The following LRP2 variants were observed in gnomAD, a reference collection of about 807,000 sequenced individuals.
LRP2 encodes the protein low-density lipoprotein receptor-related protein 2.
Under a neutral mutation model 531.0 loss-of-function variants are expected in LRP2, and 172 were observed. The observed-to-expected ratio is 0.32, with a 90% confidence interval of 0.29 to 0.37. The LOEUF is 0.37. Among genes scored for constraint, LRP2 ranks in the 10% least tolerant of loss-of-function variants. The probability of loss-of-function intolerance (pLI) is 1.00; values close to 1 mark genes in which losing one functional copy is unlikely to be tolerated. For missense variants in LRP2, 5,167 were observed against 5,868.3 expected (o/e 0.88, Z 3.90); for synonymous variants, 1,992 against 2,027.6 (o/e 0.98, Z 0.47).
rs1252701428 is a variant in LRP2, at chr2:169,271,595, T to C, written c.2117-488A>G. The C allele has an allele frequency of 1.8e-5, 6 of 334,638 alleles. No individual in the cohort carries two copies. In the Admixed American group the frequency reaches 4.0e-4, roughly 22 times the overall value. 20.7% of individuals were successfully genotyped at this position (334,638 alleles called of 1,614,324 possible). On this transcript the variant is annotated intron_variant, in intron 15 of 78. Transcript: ENST00000649046. The stretch of plus-strand genomic sequence containing the variant: ...TATCAAGTTATAAGTATCATTACAA[T>C]AAACAGGCAAAACATGCACACACAC...
chr2:169,165,912 C>A lies in LRP2; in HGVS notation c.11758+20G>T. 6.2e-7 allele frequency: 1 copy of A among 1,613,718 alleles called. No individual in the cohort carries two copies. The highest frequency in any genetic ancestry group is 1.1e-5 in the South Asian group (1 of 91,044). Reference sequence around the variant, plus strand: ...CTTGGGGTCCTTCCTTTTTCCTTCTCCCTTTTGACTTTTGCTTACAGTGCT... The same window carrying A: ...CTTGGGGTCCTTCCTTTTTCCTTCTACCTTTTGACTTTTGCTTACAGTGCT... On this transcript the variant is annotated intron_variant, in intron 62 of 78. Coordinates refer to ENST00000649046, the MANE Select transcript of LRP2 (RefSeq NM_004525.3).
At chr2:169,211,450 C>G (rs1370372993) in intron 37 of LRP2, among the ~76,000 whole-genome samples, 1 of 152,176 alleles carries the variant, frequency 6.6e-6, no homozygotes, top group Non-Finnish European at 1.5e-5. Context: ...ACACTGTGAA[C>G]TCTTTTGCTT....
rs830995 is a variant in LRP2 at position 169,273,126 on chromosome 2, A to G, written c.1976-59T>C. 1,124,813 of 1,600,436 alleles carry G rather than the reference A, an allele frequency of 0.7. 398,817 individuals are homozygous for G. The highest frequency in any genetic ancestry group is 0.88 in the East Asian group (39,268 of 44,756). ...TTAGAAATGTGTAATTATCCAAGAC[A>G]TGAAGCCACTTCTAGCCCTTTTCAC... On this transcript the variant is annotated intron_variant, in intron 14 of 78. Coordinates refer to ENST00000649046, the MANE Select transcript of LRP2 (RefSeq NM_004525.3).
chr2:169,132,498 C>T (rs1401566316), intron 77 of LRP2, 76 bp downstream of exon 77: 6 of 824,822 alleles, frequency 7.3e-6, no homozygotes, highest in East Asian at 4.8e-5. Context: ...CCCTTGTTTG[C>T]TTAAGGTTAA....
intron 61 of LRP2, among the ~76,000 whole-genome samples, chr2:169,168,018 A>AAAATATATATAT (rs1553488719): frequency 4.4e-5 from 3 of 68,186 alleles, no homozygotes; most frequent in Non-Finnish European, 5.9e-5. Flanking sequence ...CAGGGTTTAA[A>AAAATATATATAT]ATATATATAT....
intron 15 of LRP2, 48 bp from the exon 16 acceptor site, chr2:169,271,155 C>A: frequency 1.5e-6 from 2 of 1,319,450 alleles, no homozygotes; most frequent in East Asian, 2.3e-5. Flanking sequence ...TGGTTCTTTT[C>A]TCTCCTCCCA....
rs1686979349 is a variant in LRP2, at chr2:169,170,932, T to TTTTG, written c.11264-266_11264-265insCAAA. On this transcript the variant is annotated intron_variant, in intron 58 of 78. Transcript: ENST00000649046. ...TGCTCTCTCTCTCTGTTTTTTTTTT[T>TTTTG]TTTTTTTTTTTTGAAACAGGATCTT... 6.1e-5 allele frequency among the ~76,000 whole-genome samples: 9 copies of TTTTG among 147,234 alleles called. 1 individual carries two copies. The South Asian group carries it at 2.0e-3, about 33-fold the overall frequency.
chr2:169,325,369 G>T (rs555574900), intron 1 of LRP2, among the ~76,000 whole-genome samples: 1 of 152,236 alleles, frequency 6.6e-6, no homozygotes, highest in African/African-American at 2.4e-5. Context: ...CACCTTCACT[G>T]AACTCAAAGA....
At chr2:169,335,187 CTTG>C (rs1685369927) in intron 1 of LRP2, among the ~76,000 whole-genome samples, 1 of 152,108 alleles carries the variant, frequency 6.6e-6, no homozygotes, top group South Asian at 2.1e-4. Context: ...TGTTTATTTT[CTTG>C]TTTATATATT....
Position 169,142,756 on chromosome 2 carries a change from G to A in LRP2, c.13026C>T (p.Cys4342=), listed in dbSNP as rs1685768986. ...NLCKQICSHL[C]LLRPGGYSCA... is the part of the protein sequence containing the mutation. ...AGCTGTATCCTCCAGGTCTCAGAAG[G>A]CAGAGGTGGCTGCAGATCTGTTTGC... Residue 4342 remains cysteine, a synonymous_variant, in exon 71 of 79, where the codon TGC becomes TGT. Coordinates refer to ENST00000649046, the MANE Select transcript of LRP2 (RefSeq NM_004525.3). 1.9e-6 allele frequency: 3 copies of A among 1,614,068 alleles called. No individual in the cohort carries two copies. The highest frequency in any genetic ancestry group is 2.5e-6 in the Non-Finnish European group (3 of 1,179,946).
In LRP2 at chr2:169,256,087, T is replaced by C. The variant is rs779462867; in HGVS notation, c.2770+19A>G. 6.2e-7 allele frequency: 1 copy of C among 1,611,462 alleles called. No individual in the cohort carries two copies. The highest frequency in any genetic ancestry group is 1.1e-5 in the South Asian group (1 of 91,020). On this transcript the variant is annotated intron_variant, in intron 19 of 78. Transcript: ENST00000649046. ...CAATGTATAAAAACAATACATACTT[T>C]TATTGCTTTAAAACATACCTCCAAA...
At chr2:169,283,612 A>C (rs1683765269) in intron 9 of LRP2, among the ~76,000 whole-genome samples, 1 of 152,224 alleles carries the variant, frequency 6.6e-6, no homozygotes, top group East Asian at 1.9e-4. Context: ...ACTGCAATAA[A>C]GTACTTGGAA....
chr2:169,154,607 TA>T lies in LRP2; in HGVS notation c.12152-5del. The T allele has an allele frequency of 1.2e-6, 2 of 1,613,294 alleles. No homozygotes were observed. The highest frequency in any genetic ancestry group is 1.7e-6 in the Non-Finnish European group (2 of 1,179,364). The stretch of plus-strand genomic sequence containing the variant: ...AGTAGCAACAAAGGAGAGCTACCTG[TA>T]AACAAACAAAGGGCTACTTTATCTG... On this transcript the variant is annotated splice_polypyrimidine_tract_variant and splice_region_variant and intron_variant, in intron 65 of 78. Coordinates refer to ENST00000649046, the MANE Select transcript of LRP2 (RefSeq NM_004525.3).
Position 169,176,332 on chromosome 2 carries a change from C to T in LRP2, c.10571+79G>A, listed in dbSNP as rs918538420. ...CAAAATCTTGTCTCACTAGAAAACT[C>T]CCATCCCTTGGAGCCTTGAAGGTCA... is the stretch of plus-strand genomic sequence containing the variant. On this transcript the variant is annotated intron_variant, in intron 54 of 78. Coordinates refer to ENST00000649046, the MANE Select transcript of LRP2 (RefSeq NM_004525.3). 1.9e-6 allele frequency: 3 copies of T among 1,558,896 alleles called. No individual in the cohort carries two copies. In the African/African-American group the frequency reaches 4.1e-5, roughly 21 times the overall value.
intron 3 of LRP2, among the ~76,000 whole-genome samples, chr2:169,312,636 T>G (rs1684645204): frequency 6.6e-6 from 1 of 152,206 alleles, no homozygotes; most frequent in Non-Finnish European, 1.5e-5. Context: ...GCCCTTAACA[T>G]TTTTTCCTTC....
intron 57 of LRP2, 108 bp from the exon 58 acceptor site, chr2:169,172,242 G>A: frequency 7.7e-7 from 1 of 1,304,612 alleles, no homozygotes. Context: ...GCTCACTCTT[G>A]AAGCTCCCAA....
Position 169,202,796 on chromosome 2 carries a change from G to T in LRP2, c.8169C>A (p.Asn2723Lys). The change falls in exon 43 of 79, where the codon AAC becomes AAA. Residue 2723 changes from asparagine (N) to lysine (K), a missense_variant. Asn to Lys is a moderately conservative substitution (Grantham distance 94). Coordinates refer to ENST00000649046, the MANE Select transcript of LRP2 (RefSeq NM_004525.3). ...TCTCATCACTGCCATCCCCACAGTC[G>T]TTGTCATTATCACACTTCCACTCTT... The part of the protein sequence containing the change: ...ISEEWKCDND[N>K]DCGDGSDEME... The T allele has an allele frequency of 3.7e-6, 6 of 1,614,080 alleles. No homozygotes were observed. Among genetic ancestry groups the T allele is most frequent in the Non-Finnish European group, 4.2e-6 (5 of 1,180,018 alleles).
At chr2:169,235,749 A>G in intron 29 of LRP2, 91 bp downstream of exon 29, 1 of 1,016,704 alleles carries the variant, frequency 9.8e-7, no homozygotes, top group Admixed American at 1.9e-5. Flanking sequence ...CTATGACACA[A>G]AAATTAATTT....
At chr2:169,349,238 G>A (rs1302306414) in intron 1 of LRP2, among the ~76,000 whole-genome samples, 2 of 152,126 alleles carry the variant, frequency 1.3e-5, no homozygotes, top group South Asian at 2.1e-4. Flanking sequence ...GAAGAGGTCG[G>A]GAAAGAATCA....
Sources: gnomAD v4.1 joint callset for allele counts (sites outside exome capture counted in the v4.1 genomes callset) on GRCh38, gnomAD v4.1.1 for gene constraint, MANE v1.5 for transcripts, NCBI Gene and HGNC (gene_info 2026-07-23, HGNC 2026-07-21) for gene names.